ST3GAL6: variants seen among roughly 807,000 people sequenced by gnomAD.
The protein encoded by ST3GAL6 is ST3 beta-galactoside alpha-2,3-sialyltransferase 6, also known as type 2 lactosamine alpha-2,3-sialyltransferase.
In ST3GAL6, 31 loss-of-function variants were observed where a neutral mutation model predicts 40.5. The ratio of observed to expected loss-of-function variants is 0.77; its 90% CI spans 0.58 to 1.03. The LOEUF is 1.03. Ranked by LOEUF, ST3GAL6 falls within the 50% of genes least tolerant of loss-of-function variation. The probability of loss-of-function intolerance (pLI) is 0.00; values close to 1 mark genes in which losing one functional copy is unlikely to be tolerated. For missense variants in ST3GAL6, 357 were observed against 393.2 expected (o/e 0.91, Z 0.78); for synonymous variants, 129 against 136.9 (o/e 0.94, Z 0.40).
upstream of ST3GAL6, chr3:98,763,155 T>C (rs896598467): frequency 5.1e-6 from 5 of 985,252 alleles, no homozygotes; most frequent in African/African-American, 8.7e-5. Flanking sequence ...AGGGGACCTA[T>C]GAGGCTGGAC....
intron 6 of ST3GAL6, among the ~76,000 whole-genome samples, chr3:98,787,531 A>C (rs1239956883): frequency 1.3e-5 from 2 of 152,220 alleles, no homozygotes; most frequent in African/African-American, 2.4e-5. Flanking sequence ...TTGTGCTTGA[A>C]TATAATATAG....
upstream of ST3GAL6, among the ~76,000 whole-genome samples, chr3:98,759,494 ATAT>A (rs1937587076): frequency 6.6e-6 from 1 of 152,198 alleles, no homozygotes; most frequent in South Asian, 2.1e-4. Context: ...AAATAAGTAA[ATAT>A]TATTGTGCAC....
In ST3GAL6 at chr3:98,784,976, AATGG is replaced by A. The variant is rs1940550400; in HGVS notation, c.369_372del (p.Asn123LysfsTer4). 6.2e-7 allele frequency: 1 copy of A among 1,612,744 alleles called. No individual in the cohort carries two copies. Among genetic ancestry groups the A allele is most frequent in the African/African-American group, 1.3e-5 (1 of 74,846 alleles). ...CTGTAAAAAGTGTGTGGTGGTTGGT[AATGG>A]AGGAGTTTTGAAGAATAAGACATTA... On this transcript the variant is annotated frameshift_variant, in exon 6 of 10. Coordinates refer to ENST00000483910, the MANE Select transcript of ST3GAL6 (RefSeq NM_001323368.2). LOFTEE classifies it high-confidence loss of function.
rs142921542 is a variant in ST3GAL6, at chr3:98,778,085, C to T, written c.335+4102C>T. On this transcript the variant is annotated intron_variant, in intron 5 of 9. Coordinates refer to ENST00000483910, the MANE Select transcript of ST3GAL6 (RefSeq NM_001323368.2). ...GCACAGACAAGCTCCCCATCCCCAA[C>T]CACCAACATTCCTTCTGAAAGCATG... Among the ~76,000 whole-genome samples the T allele has an allele frequency of 3.8e-3, 582 of 152,328 alleles. 11 individuals are homozygous for T. The highest frequency in any genetic ancestry group is 0.014 in the African/African-American group (562 of 41,568).
intron 1 of ST3GAL6, among the ~76,000 whole-genome samples, chr3:98,768,119 A>G (rs555870097): frequency 1.3e-5 from 2 of 152,208 alleles, no homozygotes; most frequent in Admixed American, 6.5e-5. Flanking sequence ...GTAAAATTTT[A>G]TTCTGAAGGA....
chr3:98,763,836 C>T (rs570331387), intron 1 of ST3GAL6, among the ~76,000 whole-genome samples: 29 of 152,108 alleles, frequency 1.9e-4, no homozygotes, highest in African/African-American at 7.0e-4. Context: ...GTTTAAGCAC[C>T]CAGCAGCAGG....
intron 3 of ST3GAL6, chr3:98,771,202 G>T: frequency 7.1e-7 from 1 of 1,408,210 alleles, no homozygotes; most frequent in Non-Finnish European, 9.4e-7. Flanking sequence ...TGAGGCTAGA[G>T]AGGTCTATTT....
chr3:98,768,491 T>G lies in ST3GAL6; in HGVS notation c.51T>G (p.Tyr17Ter). 6 of 1,613,790 alleles carry G rather than the reference T, an allele frequency of 3.7e-6. No homozygotes were observed. The highest frequency in any genetic ancestry group is 5.1e-6 in the Non-Finnish European group (6 of 1,179,686). ...TCCTGAGTGCTGTCTTCCTCTATTA[T>G]GTACTGCATTGCATATTATGGGGAA... ...AIFLSAVFLY[Y>*]VLHCILWGTN... The change falls in exon 2 of 10, where the codon TAT (tyrosine) becomes TAG (stop). Residue 17 changes from tyrosine (Y) to a stop codon, truncating the protein, a stop_gained. Coordinates refer to ENST00000483910, the MANE Select transcript of ST3GAL6 (RefSeq NM_001323368.2). LOFTEE classifies it high-confidence loss of function.
At chr3:98,792,801 G>T (rs899933652) in intron 9 of ST3GAL6, among the ~76,000 whole-genome samples, 5 of 151,906 alleles carry the variant, frequency 3.3e-5, no homozygotes, top group African/African-American at 9.7e-5. Context: ...TTACAGGCAT[G>T]GGCCACTGTG....
At chr3:98,737,988 A>G (rs1340855099) in intron 1 of ST3GAL6, among the ~76,000 whole-genome samples, 1 of 151,886 alleles carries the variant, frequency 6.6e-6, no homozygotes, top group Non-Finnish European at 1.5e-5. Context: ...GTGATTGGAT[A>G]TGGGGGGCAG....
At chr3:98,741,402 G>T (rs183002976) in intron 1 of ST3GAL6, among the ~76,000 whole-genome samples, 30 of 152,148 alleles carry the variant, frequency 2.0e-4, no homozygotes, top group Non-Finnish European at 3.5e-4. Flanking sequence ...ATTGGGGAGT[G>T]GGAATGTTGT....
intron 1 of ST3GAL6, among the ~76,000 whole-genome samples, chr3:98,748,175 A>G (rs1454751213): frequency 6.6e-6 from 1 of 152,226 alleles, no homozygotes; most frequent in Non-Finnish European, 1.5e-5. Context: ...ATGAATTTTG[A>G]ACATGAGGAA....
At chr3:98,746,551 G>T (rs187372802) in intron 1 of ST3GAL6, among the ~76,000 whole-genome samples, 1 of 151,926 alleles carries the variant, frequency 6.6e-6, no homozygotes, top group Non-Finnish European at 1.5e-5. Flanking sequence ...GAATAATGTC[G>T]TCAGTAAATA....
intron 5 of ST3GAL6, among the ~76,000 whole-genome samples, chr3:98,779,115 G>A (rs1261188433): frequency 6.6e-6 from 1 of 152,198 alleles, no homozygotes; most frequent in African/African-American, 2.4e-5. Context: ...CTCCAGGGTA[G>A]TTTTTCTGTG....
At chr3:98,737,672 A>G (rs928682539) in intron 1 of ST3GAL6, among the ~76,000 whole-genome samples, 2 of 152,188 alleles carry the variant, frequency 1.3e-5, no homozygotes, top group African/African-American at 4.8e-5. Flanking sequence ...ATACTTAACT[A>G]ACATACAAAA....
chr3:98,757,076 T>G (rs1238738111), intron 1 of ST3GAL6, among the ~76,000 whole-genome samples: 1 of 152,196 alleles, frequency 6.6e-6, no homozygotes, highest in Non-Finnish European at 1.5e-5. Context: ...ATGCACAGAT[T>G]TCAGACATCA....
At chr3:98,792,983 C>G (rs577299435) in intron 9 of ST3GAL6, among the ~76,000 whole-genome samples, 1 of 152,076 alleles carries the variant, frequency 6.6e-6, no homozygotes, top group African/African-American at 2.4e-5. Flanking sequence ...TGAAATCAGT[C>G]CCCTTGAATC....
At chr3:98,762,886 G>A (rs1937938760), upstream of ST3GAL6, 3 of 985,416 alleles carry the variant, frequency 3.0e-6, no homozygotes, top group South Asian at 4.7e-5. Flanking sequence ...GCTTAGTACT[G>A]TGCTGGCCAT....
chr3:98,779,092 A>G (rs141448183), intron 5 of ST3GAL6, among the ~76,000 whole-genome samples: 13 of 152,316 alleles, frequency 8.5e-5, no homozygotes, highest in African/African-American at 3.1e-4. Context: ...TTAGTGGCTC[A>G]GTGATGTCAA....
Sources: allele counts gnomAD v4.1 joint callset (sites outside exome capture counted in the v4.1 genomes callset), GRCh38; gene constraint gnomAD v4.1.1; transcripts MANE v1.5; gene names NCBI Gene and HGNC (gene_info 2026-07-23, HGNC 2026-07-21).